Variants in KHDRBS2 observed in about 807,000 individuals in gnomAD.
The protein encoded by KHDRBS2 is KH domain-containing, RNA-binding, signal transduction-associated protein 2.
KHDRBS2 carries 26 observed loss-of-function variants against 44.3 expected under a neutral mutation model. The ratio of observed to expected loss-of-function variants is 0.59; its 90% confidence interval spans 0.43 to 0.81. KHDRBS2 has a LOEUF of 0.81. KHDRBS2 is among the 40% of genes least tolerant of loss of function. KHDRBS2 has a pLI of 0.00. For missense variants in KHDRBS2, 476 were observed against 433.1 expected (o/e 1.10, Z -0.88); for synonymous variants, 194 against 151.1 (o/e 1.28, Z -2.08).
chr6:61,714,511 C>T (rs565016159), intron 7 of KHDRBS2, among the ~76,000 whole-genome samples: 4 of 151,878 alleles, frequency 2.6e-5, no homozygotes, highest in East Asian at 1.9e-4. Context: ...AATAGAACTG[C>T]CATTTGATAC....
At chr6:61,624,696 G>A in the KHDRBS2 span, among the ~76,000 whole-genome samples, 3 of 152,116 alleles carry the variant, frequency 2.0e-5, no homozygotes, top group East Asian at 1.9e-4. Context: ...CTATGGCACC[G>A]CTGGAGTGAC....
intron 4 of KHDRBS2, among the ~76,000 whole-genome samples, chr6:61,942,585 T>C (rs1360652904): frequency 6.6e-6 from 1 of 152,046 alleles, no homozygotes; most frequent in Non-Finnish European, 1.5e-5. Flanking sequence ...TGGGACACCA[T>C]GAAGCAACCC....
chr6:61,911,412 C>A (rs1332309204), intron 4 of KHDRBS2, among the ~76,000 whole-genome samples: 1 of 152,144 alleles, frequency 6.6e-6, no homozygotes, highest in African/African-American at 2.4e-5. Context: ...TAGATCCCTA[C>A]ACTTGTTCAT....
the KHDRBS2 span, among the ~76,000 whole-genome samples, chr6:61,650,294 T>C: frequency 6.6e-6 from 1 of 152,144 alleles, no homozygotes; most frequent in African/African-American, 2.4e-5. Context: ...AACAATGATT[T>C]CAGTTTGTAA....
At chr6:61,716,386 G>T (rs1311011020) in intron 7 of KHDRBS2, among the ~76,000 whole-genome samples, 10 of 151,922 alleles carry the variant, frequency 6.6e-5, no homozygotes. Context: ...CACCCTTGTT[G>T]TACTTTGCTA....
At chr6:61,595,989 G>A in the KHDRBS2 span, among the ~76,000 whole-genome samples, 1 of 152,118 alleles carries the variant, frequency 6.6e-6, no homozygotes, top group Non-Finnish European at 1.5e-5. Flanking sequence ...ATCGAGGATG[G>A]CTGTGAAAGG....
chr6:61,849,743 C>T (rs1236579767), intron 6 of KHDRBS2, among the ~76,000 whole-genome samples: 2 of 151,588 alleles, frequency 1.3e-5, no homozygotes, highest in Non-Finnish European at 2.9e-5. Context: ...AAGCCTCTTT[C>T]GAATTTTATA....
intron 2 of KHDRBS2, among the ~76,000 whole-genome samples, chr6:62,136,646 A>G (rs1414881810): frequency 6.6e-6 from 1 of 152,196 alleles, no homozygotes; most frequent in African/African-American, 2.4e-5. Flanking sequence ...AACACAAGAA[A>G]ATCAATTACA....
chr6:62,044,565 C>T (rs1259041101), intron 3 of KHDRBS2, among the ~76,000 whole-genome samples: 1 of 151,900 alleles, frequency 6.6e-6, no homozygotes, highest in Non-Finnish European at 1.5e-5. Flanking sequence ...GCATACCCAA[C>T]ATAGAAAAGC....
At chr6:61,809,493 T>C (rs766791701) in intron 6 of KHDRBS2, among the ~76,000 whole-genome samples, 53 of 152,262 alleles carry the variant, frequency 3.5e-4, no homozygotes, top group Non-Finnish European at 6.2e-4. Context: ...AGAACAGGTC[T>C]CTACAAAATA....
chr6:62,216,507 G>A (rs761054899), intron 1 of KHDRBS2, among the ~76,000 whole-genome samples: 15 of 151,248 alleles, frequency 9.9e-5, no homozygotes, highest in Non-Finnish European at 1.3e-4. Context: ...GATCTAAGAG[G>A]GCAAAATAAG....
chr6:62,114,271 TA>T (rs1805693788), intron 2 of KHDRBS2, among the ~76,000 whole-genome samples: 1 of 152,116 alleles, frequency 6.6e-6, no homozygotes, highest in South Asian at 2.1e-4. Context: ...GATGCTTCAG[TA>T]ACAAAATCCA....
intron 1 of KHDRBS2, among the ~76,000 whole-genome samples, chr6:62,204,001 G>A (rs975790070): frequency 6.6e-6 from 1 of 152,072 alleles, no homozygotes; most frequent in African/African-American, 2.4e-5. Context: ...CTTCCCCTCT[G>A]CTCCGCTTGC....
At chr6:62,229,675 C>T (rs762277877) in intron 1 of KHDRBS2, among the ~76,000 whole-genome samples, 91 of 152,264 alleles carry the variant, frequency 6.0e-4, no homozygotes, top group Admixed American at 2.7e-3. Context: ...TTTCACAATT[C>T]CGTGGAAAAA....
At chr6:61,624,465 C>T in the KHDRBS2 span, among the ~76,000 whole-genome samples, 25 of 152,286 alleles carry the variant, frequency 1.6e-4, no homozygotes, top group South Asian at 4.1e-4. Flanking sequence ...ACTTTTATTA[C>T]GAGTAGGGGT....
At chr6:61,931,426 G>C (rs1426026366) in intron 4 of KHDRBS2, among the ~76,000 whole-genome samples, 2 of 151,718 alleles carry the variant, frequency 1.3e-5, no homozygotes, top group African/African-American at 4.8e-5. Flanking sequence ...AAATATTAAA[G>C]ATGTTAAGAA....
At chr6:62,019,019 A>C (rs1181995655) in intron 3 of KHDRBS2, among the ~76,000 whole-genome samples, 1 of 152,082 alleles carries the variant, frequency 6.6e-6, no homozygotes, top group Non-Finnish European at 1.5e-5. Context: ...AGACACAATA[A>C]GCTAATTTAT....
intron 4 of KHDRBS2, among the ~76,000 whole-genome samples, chr6:61,951,467 C>A (rs777436854): frequency 1.1e-4 from 16 of 151,990 alleles, no homozygotes; most frequent in Non-Finnish European, 2.1e-4. Flanking sequence ...ACCAGAAATT[C>A]TAGTATCATT....
At chr6:62,172,430 A>G (rs1280388836) in intron 2 of KHDRBS2, among the ~76,000 whole-genome samples, 1 of 152,094 alleles carries the variant, frequency 6.6e-6, no homozygotes, top group Non-Finnish European at 1.5e-5. Context: ...CCAGATTAAT[A>G]AAGCAAATTC....
Sources: allele counts gnomAD v4.1 joint callset (sites outside exome capture counted in the v4.1 genomes callset), GRCh38; gene constraint gnomAD v4.1.1; transcripts MANE v1.5; gene names NCBI Gene and HGNC (gene_info 2026-07-23, HGNC 2026-07-21).